Variants in ZBTB20 observed in about 807,000 individuals in gnomAD.
ZBTB20 encodes the protein zinc finger and BTB domain-containing protein 20.
Under a neutral mutation model 56.9 loss-of-function variants are expected in ZBTB20, and 9 were observed. The observed-to-expected ratio is 0.16, with a 90% CI of 0.10 to 0.28. The LOEUF (loss-of-function observed/expected upper bound fraction) is 0.28. ZBTB20 is among the 10% of genes least tolerant of loss of function. The pLI is 1.00. For missense variants in ZBTB20, 655 were observed against 1,003.0 expected (o/e 0.65, Z 4.69); for synonymous variants, 417 against 420.7 (o/e 0.99, Z 0.11).
At chr3:114,414,931 C>T (rs2088372341) in intron 7 of ZBTB20, among the ~76,000 whole-genome samples, 1 of 151,618 alleles carries the variant, frequency 6.6e-6, no homozygotes, top group Admixed American at 6.6e-5. Flanking sequence ...TATTTTTGCT[C>T]CCCTTTCTCT....
rs2079125992 is a variant in ZBTB20, at chr3:114,328,311, T to C, written c.*10694A>G. ...TTCAAGTGGATGTGGCTTTTCTTGTTTGAGAAGAGCTCACTAAGGCTTGAA... is the reference window on the plus strand; with the variant it reads ...TTCAAGTGGATGTGGCTTTTCTTGTCTGAGAAGAGCTCACTAAGGCTTGAA... On this transcript the variant is annotated 3_prime_UTR_variant, in exon 12 of 12. Coordinates refer to ENST00000675478, the MANE Select transcript of ZBTB20 (RefSeq NM_001348800.3). 6.6e-6 allele frequency: 1 copy of C among 152,148 alleles called. No individual in the cohort carries two copies. Among genetic ancestry groups the C allele is most frequent in the Non-Finnish European group, 1.5e-5 (1 of 68,024 alleles). 9.4% of individuals were successfully genotyped at this position (152,148 alleles called of 1,614,324 possible).
At chr3:114,485,467 C>A (rs1036898243) in intron 7 of ZBTB20, among the ~76,000 whole-genome samples, 1 of 152,180 alleles carries the variant, frequency 6.6e-6, no homozygotes, top group Admixed American at 6.5e-5. Context: ...TGTCTCCTCT[C>A]TGAAGAACAT....
chr3:114,486,226 T>G (rs901543807), intron 7 of ZBTB20, among the ~76,000 whole-genome samples: 17 of 120,956 alleles, frequency 1.4e-4, no homozygotes, highest in African/African-American at 4.0e-4. Flanking sequence ...GTCTAAAACT[T>G]TTTTTCTAAG....
At position 114,766,489 on chromosome 3, in the gene ZBTB20, ATGTGTGTG is replaced by A. The variant is rs71297433; in HGVS notation, c.-343+34604_-343+34611del. On this transcript the variant is annotated intron_variant, in intron 5 of 11. Transcript: ENST00000675478. ...AAAAGGATTCAATAGTGGGATGGAA[ATGTGTGTG>A]TGTGTGTGTGTGTGTGTGTGTGTGT... Among the ~76,000 whole-genome samples the A allele has an allele frequency of 5.1e-3, 713 of 139,080 alleles. 3 individuals carry two copies. The highest frequency in any genetic ancestry group is 0.017 in the African/African-American group (646 of 37,808). The allele number at this position is 139,080 out of a possible 152,430, so 91.2% of individuals were successfully genotyped here. A position where few individuals can be genotyped will look rare whatever the true frequency, so the allele number is the denominator to read the frequency against.
At chr3:114,933,605 C>T (rs912771754) in intron 3 of ZBTB20, among the ~76,000 whole-genome samples, 1 of 152,176 alleles carries the variant, frequency 6.6e-6, no homozygotes, top group African/African-American at 2.4e-5. Flanking sequence ...TGGAAGGAAA[C>T]AGGAAGAGCG....
intron 5 of ZBTB20, among the ~76,000 whole-genome samples, chr3:114,716,509 G>A (rs1231057203): frequency 6.6e-6 from 1 of 151,898 alleles, no homozygotes; most frequent in Non-Finnish European, 1.5e-5. Flanking sequence ...TGGTCTGCAG[G>A]GTCTACACTA....
intron 2 of ZBTB20, among the ~76,000 whole-genome samples, chr3:115,015,847 G>C (rs1437039066): frequency 6.6e-6 from 1 of 151,880 alleles, no homozygotes; most frequent in African/African-American, 2.4e-5. Context: ...TAATGGGATT[G>C]CTGGGTCAAA....
intron 1 of ZBTB20, among the ~76,000 whole-genome samples, chr3:115,094,022 C>T (rs1402807427): frequency 6.6e-6 from 1 of 152,072 alleles, no homozygotes; most frequent in African/African-American, 2.4e-5. Flanking sequence ...CTACCCTCAG[C>T]TTTACCCCTG....
intron 7 of ZBTB20, among the ~76,000 whole-genome samples, chr3:114,411,628 G>A (rs918719662): frequency 6.6e-6 from 1 of 152,110 alleles, no homozygotes. Flanking sequence ...GGGTGTAATG[G>A]ATCAGGGAGC....
At chr3:114,496,077 AGT>A (rs2043254198) in intron 7 of ZBTB20, among the ~76,000 whole-genome samples, 1 of 152,122 alleles carries the variant, frequency 6.6e-6, no homozygotes, top group Admixed American at 6.5e-5. Flanking sequence ...TCACAAAAAG[AGT>A]GGTTTCCACA....
chr3:114,389,654 C>T (rs996964609), intron 7 of ZBTB20, among the ~76,000 whole-genome samples: 1 of 151,808 alleles, frequency 6.6e-6, no homozygotes, highest in Non-Finnish European at 1.5e-5. Context: ...CTTTGGGAGG[C>T]CGAGGTGTGA....
At chr3:114,787,960 TA>T (rs1165392923) in intron 5 of ZBTB20, among the ~76,000 whole-genome samples, 1 of 152,178 alleles carries the variant, frequency 6.6e-6, no homozygotes, top group African/African-American at 2.4e-5. Context: ...TAGTCTCTAA[TA>T]GTTCATTACA....
chr3:115,014,145 TGAAA>T (rs1221521786), intron 2 of ZBTB20, among the ~76,000 whole-genome samples: 4 of 151,604 alleles, frequency 2.6e-5, no homozygotes, highest in Non-Finnish European at 5.9e-5. Flanking sequence ...TTAGGTTAAG[TGAAA>T]TAAGCTAGGC....
Position 114,491,902 on chromosome 3 carries a change from A to C in ZBTB20, c.-255+8450T>G, listed in dbSNP as rs1394096042. 2.0e-5 allele frequency among the ~76,000 whole-genome samples: 3 copies of C among 152,260 alleles called. No individual in the cohort carries two copies. In the South Asian group the frequency reaches 6.2e-4, roughly 32 times the overall value. On this transcript the variant is annotated intron_variant, in intron 7 of 11. Coordinates refer to ENST00000675478, the MANE Select transcript of ZBTB20 (RefSeq NM_001348800.3). ...CGTTATTGTTTTGACCACTTCAACA[A>C]AACAGCTTTTGCTGAGGTCAACAAT...
At chr3:114,742,835 G>A (rs1467148707) in intron 5 of ZBTB20, among the ~76,000 whole-genome samples, 1 of 152,092 alleles carries the variant, frequency 6.6e-6, no homozygotes, top group East Asian at 1.9e-4. Context: ...CCCTGATGTG[G>A]GTGTTTGTTT....
intron 4 of ZBTB20, among the ~76,000 whole-genome samples, chr3:114,851,819 G>T (rs186312365): frequency 2.0e-5 from 3 of 151,720 alleles, no homozygotes; most frequent in African/African-American, 7.3e-5. Context: ...ATATTCCTCC[G>T]AACACTGTTT....
chr3:114,493,210 T>C lies in ZBTB20; in HGVS notation c.-255+7142A>G, dbSNP rs549663486. 2.6e-5 allele frequency among the ~76,000 whole-genome samples: 4 copies of C among 152,368 alleles called. No individual in the cohort carries two copies. In the South Asian group the frequency reaches 8.3e-4, roughly 32 times the overall value. On this transcript the variant is annotated intron_variant, in intron 7 of 11. Transcript: ENST00000675478. ...AGTTATTGTATGCATCAATAATTTA[T>C]TCTGCTTAGTGCTGAGAGGTATTCC...
chr3:114,585,641 C>T (rs1024417703), intron 6 of ZBTB20, among the ~76,000 whole-genome samples: 1 of 152,144 alleles, frequency 6.6e-6, no homozygotes, highest in African/African-American at 2.4e-5. Context: ...GCCCCCTGTA[C>T]CACTATACCT....
At chr3:114,421,601 G>A (rs904473734) in intron 7 of ZBTB20, among the ~76,000 whole-genome samples, 1 of 152,100 alleles carries the variant, frequency 6.6e-6, no homozygotes, top group African/African-American at 2.4e-5. Context: ...TGGGCTAATC[G>A]AGTTTCAAGC....
Sources: allele counts gnomAD v4.1 joint callset (sites outside exome capture counted in the v4.1 genomes callset), GRCh38; gene constraint gnomAD v4.1.1; transcripts MANE v1.5; gene names NCBI Gene and HGNC (gene_info 2026-07-23, HGNC 2026-07-21).